Variants in WDFY3 observed in about 807,000 individuals in gnomAD.
WDFY3 encodes the protein WD repeat and FYVE domain containing 3.
A neutral mutation model predicts 409.6 loss-of-function variants in WDFY3; 66 were observed. That is an observed-to-expected ratio of 0.16 (90% CI 0.13 to 0.20). The LOEUF (loss-of-function observed/expected upper bound fraction) is 0.20. WDFY3 is among the 10% of genes least tolerant of loss of function. WDFY3 has a pLI of 1.00. For synonymous variants in WDFY3, 1,521 were observed against 1,537.1 expected, an observed-to-expected ratio of 0.99 and a Z score of 0.25; for missense variants, 3,031 against 4,298.1, an observed-to-expected ratio of 0.71 and a Z score of 8.24.
intron 51 of WDFY3, among the ~76,000 whole-genome samples, 166 bp from the exon 52 acceptor site, chr4:84,709,513 A>G (rs1410614231): frequency 1.3e-5 from 2 of 152,246 alleles, no homozygotes; most frequent in Non-Finnish European, 2.9e-5. Context: ...AGCATTTTGA[A>G]ATATGAAGTA....
intron 2 of WDFY3, among the ~76,000 whole-genome samples, chr4:84,927,248 C>T (rs867222303): frequency 1.7e-4 from 26 of 152,038 alleles, no homozygotes; most frequent in African/African-American, 5.3e-4. Context: ...TTTTTAAAAA[C>T]AACCTTTTCT....
chr4:84,797,592 A>T (rs967641432), intron 18 of WDFY3, among the ~76,000 whole-genome samples: 1 of 150,706 alleles, frequency 6.6e-6, no homozygotes, highest in East Asian at 1.9e-4. Context: ...TTATTTATTT[A>T]TTTTTTGAGA....
At chr4:84,827,439 A>G (rs1005693798) in intron 9 of WDFY3, among the ~76,000 whole-genome samples, 2 of 152,080 alleles carry the variant, frequency 1.3e-5, no homozygotes, top group Admixed American at 1.3e-4. Context: ...GTGTACTTCC[A>G]CACATTAGTG....
chr4:84,724,421 C>G lies in WDFY3; in HGVS notation c.7441+5G>C. 2 of 1,595,268 alleles carry G rather than the reference C, an allele frequency of 1.3e-6. No individual in the cohort carries two copies. Among genetic ancestry groups the G allele is most frequent in the Non-Finnish European group, 1.7e-6 (2 of 1,172,050 alleles). On this transcript the variant is annotated splice_donor_5th_base_variant and intron_variant, in intron 46 of 67. Coordinates refer to ENST00000295888, the MANE Select transcript of WDFY3 (RefSeq NM_014991.6). Reference sequence around the variant, plus strand: ...TTTTAATCAAAATCAAAAAGGCAGGCTGACCTTTGACTTTAGCAATAGTGT... The same window carrying G: ...TTTTAATCAAAATCAAAAAGGCAGGGTGACCTTTGACTTTAGCAATAGTGT...
chr4:84,810,141 G>A lies in WDFY3; in HGVS notation c.2091C>T (p.Arg697=), dbSNP rs1752245928. ...AGAAATGAGAGTTGGCTGGCTCATAGCGCATTGCTGCAGTCAACGTGCAGA... is the reference window on the plus strand; with the variant it reads ...AGAAATGAGAGTTGGCTGGCTCATAACGCATTGCTGCAGTCAACGTGCAGA... The part of the protein sequence containing the change: ...TVFCTLTAAM[R]YEPANSHFFK... Residue 697 remains arginine, a synonymous_variant, in exon 14 of 68, where the codon CGC becomes CGT. Transcript: ENST00000295888. 1.9e-6 allele frequency: 3 copies of A among 1,614,122 alleles called. No homozygotes were observed. The highest frequency in any genetic ancestry group is 2.5e-6 in the Non-Finnish European group (3 of 1,179,988).
intron 55 of WDFY3, among the ~76,000 whole-genome samples, chr4:84,704,014 A>C (rs1731517812): frequency 6.6e-6 from 1 of 152,236 alleles, no homozygotes; most frequent in East Asian, 1.9e-4. Flanking sequence ...AAAAGCAATT[A>C]TAATCGAGGA....
At chr4:84,798,800 C>T (rs1278840233) in intron 17 of WDFY3, among the ~76,000 whole-genome samples, 1 of 152,172 alleles carries the variant, frequency 6.6e-6, no homozygotes, top group Non-Finnish European at 1.5e-5. Flanking sequence ...TGCCCCAACT[C>T]AATCCATTCC....
intron 13 of WDFY3, among the ~76,000 whole-genome samples, chr4:84,815,785 T>C (rs1753210543): frequency 6.6e-6 from 1 of 152,120 alleles, no homozygotes; most frequent in Admixed American, 6.6e-5. Context: ...TGCTGATCAT[T>C]TAGTTACGGT....
At chr4:84,884,866 AACTC>A (rs1763983143) in intron 3 of WDFY3, among the ~76,000 whole-genome samples, 1 of 152,172 alleles carries the variant, frequency 6.6e-6, no homozygotes, top group Non-Finnish European at 1.5e-5. Context: ...CTGAGAAACT[AACTC>A]ACTAATTTTA....
chr4:84,687,836 G>C, intron 62 of WDFY3: 1 of 358,466 alleles, frequency 2.8e-6, no homozygotes, highest in Non-Finnish European at 5.1e-6. Context: ...ACCTGAGTTG[G>C]TTCACCCCTC....
chr4:84,747,959 C>G (rs558582010), intron 36 of WDFY3, among the ~76,000 whole-genome samples: 1 of 151,888 alleles, frequency 6.6e-6, no homozygotes, highest in Admixed American at 6.6e-5. Context: ...TACCCAGTCT[C>G]GGGTATGTCT....
chr4:84,836,354 T>C (rs959659221), intron 7 of WDFY3, among the ~76,000 whole-genome samples: 3 of 152,180 alleles, frequency 2.0e-5, no homozygotes, highest in Non-Finnish European at 4.4e-5. Context: ...GACAATTTTC[T>C]GCCAAGAAAG....
chr4:84,890,650 G>A (rs1011461197), intron 3 of WDFY3, among the ~76,000 whole-genome samples: 1 of 152,116 alleles, frequency 6.6e-6, no homozygotes, highest in Admixed American at 6.5e-5. Context: ...CTAGAGCCGG[G>A]GTTGAGAAAT....
At chr4:84,677,738 G>A (rs1465077250) in intron 66 of WDFY3, among the ~76,000 whole-genome samples, 8 of 151,926 alleles carry the variant, frequency 5.3e-5, no homozygotes, top group Non-Finnish European at 8.8e-5. Flanking sequence ...CGAGGTGGGC[G>A]GATCACTTGA....
At chr4:84,749,390 T>C (rs569362580) in intron 36 of WDFY3, among the ~76,000 whole-genome samples, 2 of 152,210 alleles carry the variant, frequency 1.3e-5, no homozygotes, top group East Asian at 1.9e-4. Context: ...CTATGTTCTT[T>C]ATTAGATAGT....
At chr4:84,955,733 T>C (rs1774160995) in intron 1 of WDFY3, among the ~76,000 whole-genome samples, 1 of 152,188 alleles carries the variant, frequency 6.6e-6, no homozygotes, top group Non-Finnish European at 1.5e-5. Context: ...ATTTAATAAG[T>C]GTTGGAGAAA....
chr4:84,842,687 C>T (rs1355581122), intron 5 of WDFY3, among the ~76,000 whole-genome samples: 1 of 151,566 alleles, frequency 6.6e-6, no homozygotes, highest in Non-Finnish European at 1.5e-5. Context: ...GAGACTGAGG[C>T]AGGAGAATTA....
chr4:84,749,583 C>T (rs1351459667), intron 36 of WDFY3, among the ~76,000 whole-genome samples: 2 of 151,976 alleles, frequency 1.3e-5, no homozygotes, highest in African/African-American at 2.4e-5. Context: ...ATAAGGTTGA[C>T]GAGGAAAAAA....
intron 53 of WDFY3, among the ~76,000 whole-genome samples, chr4:84,707,872 A>T (rs1210064642): frequency 1.3e-5 from 2 of 152,224 alleles, no homozygotes; most frequent in Non-Finnish European, 2.9e-5. Context: ...CCATGCATAT[A>T]GGGTGGATTT....
Sources: allele counts gnomAD v4.1 joint callset (sites outside exome capture counted in the v4.1 genomes callset), GRCh38; gene constraint gnomAD v4.1.1; transcripts MANE v1.5; gene names NCBI Gene and HGNC (gene_info 2026-07-23, HGNC 2026-07-21).